Variants in INPP5A observed in about 807,000 individuals in gnomAD.
The protein encoded by INPP5A is 43 kDa inositol polyphosphate 5-phophatase.
In INPP5A, 14 loss-of-function variants were observed where a neutral mutation model predicts 65.2. The observed-to-expected ratio is 0.21, with a 90% CI of 0.14 to 0.34. The LOEUF is 0.34. INPP5A is among the 10% of genes least tolerant of loss of function. The probability of loss-of-function intolerance (pLI) is 1.00; values close to 1 mark genes in which losing one functional copy is unlikely to be tolerated. For synonymous variants in INPP5A, 207 were observed against 208.3 expected, an observed-to-expected ratio of 0.99 and a Z score of 0.05; for missense variants, 431 against 545.6, an observed-to-expected ratio of 0.79 and a Z score of 2.09.
At chr10:132,769,094 A>G (rs547823791) in intron 12 of INPP5A, among the ~76,000 whole-genome samples, 24 of 152,326 alleles carry the variant, frequency 1.6e-4, no homozygotes, top group African/African-American at 5.5e-4. Flanking sequence ...ACGCCAGGAA[A>G]TGTGTCATTG....
intron 4 of INPP5A, among the ~76,000 whole-genome samples, chr10:132,671,470 C>T (rs1480418689): frequency 6.6e-6 from 1 of 152,124 alleles, no homozygotes; most frequent in Non-Finnish European, 1.5e-5. Flanking sequence ...TGGACTCCGC[C>T]CTCCCTGCTT....
chr10:132,608,135 C>A (rs1239435194), intron 2 of INPP5A, among the ~76,000 whole-genome samples, 179 bp downstream of exon 2: 1 of 152,230 alleles, frequency 6.6e-6, no homozygotes, highest in Non-Finnish European at 1.5e-5. Context: ...CACAGTCGGT[C>A]CACTGCCCGC....
intron 4 of INPP5A, among the ~76,000 whole-genome samples, chr10:132,683,052 T>G (rs2073069125): frequency 6.6e-6 from 1 of 151,558 alleles, no homozygotes; most frequent in African/African-American, 2.4e-5. Context: ...AGGCCATCTG[T>G]GTATTATATA....
intron 2 of INPP5A, among the ~76,000 whole-genome samples, chr10:132,645,395 T>TGTACACACACATGCTCCGGCACACGC (rs2072479832): frequency 6.6e-6 from 1 of 152,186 alleles, no homozygotes; most frequent in Non-Finnish European, 1.5e-5. Context: ...CAGGCACATG[T>TGTACACACACATGCTCCGGCACACGC]GTACACACAC....
At chr10:132,543,964 G>A (rs1445926698) in intron 1 of INPP5A, among the ~76,000 whole-genome samples, 2 of 152,250 alleles carry the variant, frequency 1.3e-5, no homozygotes, top group African/African-American at 4.8e-5. Flanking sequence ...GCGGACATGC[G>A]TTCTCAGTGC....
intron 2 of INPP5A, among the ~76,000 whole-genome samples, 192 bp from the exon 3 acceptor site, chr10:132,645,676 A>C (rs2072484093): frequency 6.6e-6 from 1 of 152,226 alleles, no homozygotes; most frequent in Non-Finnish European, 1.5e-5. Flanking sequence ...AGCACTGGAA[A>C]TATAAATAAC....
At position 132,727,517 on chromosome 10, in the gene INPP5A, C is replaced by T. The variant is rs564470242; in HGVS notation, c.732+612C>T. ...GAGGTGCCACCGACAGGAAGTGGGC[C>T]TCTAGGCTCAGTGCAAGGGCCGATG... On this transcript the variant is annotated intron_variant, in intron 9 of 15. Coordinates refer to ENST00000368594, the MANE Select transcript of INPP5A (RefSeq NM_005539.5). The surrounding 1 kb of genome is among the most constrained non-coding windows in gnomAD (Gnocchi z 6.5). 2.2e-3 allele frequency among the ~76,000 whole-genome samples: 336 copies of T among 151,928 alleles called. 11 individuals carry two copies. In the South Asian group the frequency reaches 0.069, roughly 31 times the overall value.
chr10:132,616,637 A>G lies in INPP5A; in HGVS notation c.117+8681A>G, dbSNP rs945482538. ...TTGCAGTGGTGACATGGGACATGGT[A>G]GTGACATGGGACATGGTGACAGGGT... is the stretch of plus-strand genomic sequence containing the variant. On this transcript the variant is annotated intron_variant, in intron 2 of 15. Transcript: ENST00000368594. This position sits in a 1 kb window ranked among gnomAD's most constrained non-coding sequence, Gnocchi z 4.9. Among the ~76,000 whole-genome samples the G allele has an allele frequency of 2.0e-5, 3 of 151,554 alleles. No individual in the cohort carries two copies. Among genetic ancestry groups the G allele is most frequent in the African/African-American group, 7.3e-5 (3 of 41,244 alleles).
rs1024460355 is a variant in INPP5A, at chr10:132,698,096, C to T, written c.474+177C>T. Among the ~76,000 whole-genome samples the T allele has an allele frequency of 3.3e-5, 5 of 152,184 alleles. No individual in the cohort carries two copies. Among genetic ancestry groups the T allele is most frequent in the Admixed American group, 6.5e-5 (1 of 15,276 alleles). ...TCTGTGGTTGGTCTGGGCTGTCACACGTAAGGGCAGTGAGAATCTAAGGCA... is the reference window on the plus strand; with the variant it reads ...TCTGTGGTTGGTCTGGGCTGTCACATGTAAGGGCAGTGAGAATCTAAGGCA... On this transcript the variant is annotated intron_variant, in intron 6 of 15. Coordinates refer to ENST00000368594, the MANE Select transcript of INPP5A (RefSeq NM_005539.5). The surrounding 1 kb of genome is among the most constrained non-coding windows in gnomAD (Gnocchi z 5.5).
In INPP5A at chr10:132,538,934, C is replaced by G. The variant is rs1000895263; in HGVS notation, c.75+763C>G. Reference sequence around the variant, plus strand: ...GAACCCTGAATTTCAACCTCAGGCCCCAGCTTATGGCCCTGAACACTTGTC... The same window carrying G: ...GAACCCTGAATTTCAACCTCAGGCCGCAGCTTATGGCCCTGAACACTTGTC... On this transcript the variant is annotated intron_variant, in intron 1 of 15. Transcript: ENST00000368594. The surrounding 1 kb of genome is among the most constrained non-coding windows in gnomAD (Gnocchi z 4.1). Among the ~76,000 whole-genome samples the G allele has an allele frequency of 2.0e-5, 3 of 152,152 alleles. No homozygotes were observed. The highest frequency in any genetic ancestry group is 4.8e-5 in the African/African-American group (2 of 41,430).
In INPP5A at chr10:132,707,745, C is replaced by T. The variant is rs779727139; in HGVS notation, c.475-568C>T. ...CTTTTAGACCAGAGCTCAGGCTCTA[C>T]GTTCGGTGGCTCTGCTAGGTGGTGG... On this transcript the variant is annotated intron_variant, in intron 6 of 15. Transcript: ENST00000368594. This position sits in a 1 kb window ranked among gnomAD's most constrained non-coding sequence, Gnocchi z 5.5. Among the ~76,000 whole-genome samples, 19 of 152,152 alleles carry T rather than the reference C, an allele frequency of 1.2e-4. No individual in the cohort carries two copies. The highest frequency in any genetic ancestry group is 1.9e-4 in the East Asian group (1 of 5,200).
intron 8 of INPP5A, among the ~76,000 whole-genome samples, chr10:132,720,455 C>T (rs1266646489): frequency 8.1e-6 from 1 of 124,160 alleles, no homozygotes; most frequent in Non-Finnish European, 1.6e-5. Flanking sequence ...CGGCTGTCTT[C>T]AGGGTTCTGT....
At chr10:132,731,012 G>A (rs1053922545) in intron 9 of INPP5A, among the ~76,000 whole-genome samples, 3 of 152,228 alleles carry the variant, frequency 2.0e-5, no homozygotes, top group African/African-American at 7.2e-5. Flanking sequence ...TGGACTTGCT[G>A]TCCAGCCAGC....
At chr10:132,572,304 C>G (rs923308839) in intron 1 of INPP5A, among the ~76,000 whole-genome samples, 2 of 152,156 alleles carry the variant, frequency 1.3e-5, no homozygotes, top group Non-Finnish European at 2.9e-5. Context: ...GCAAGATGCC[C>G]CTGGTGGCAA....
rs534288528 is a variant in INPP5A, at chr10:132,756,239, G to A, written c.903+6394G>A. 3.9e-4 allele frequency among the ~76,000 whole-genome samples: 60 copies of A among 152,252 alleles called. No individual in the cohort carries two copies. The East Asian group carries it at 7.3e-3, about 19-fold the overall frequency. ...TGCACTTTGTGTGGTGTATGTATGCGTGTACATGTGTGCACTCACGTGTGT... is the reference window on the plus strand; with the variant it reads ...TGCACTTTGTGTGGTGTATGTATGCATGTACATGTGTGCACTCACGTGTGT... On this transcript the variant is annotated intron_variant, in intron 11 of 15. Transcript: ENST00000368594.
intron 4 of INPP5A, among the ~76,000 whole-genome samples, chr10:132,687,560 T>G (rs1845157808): frequency 1.3e-5 from 2 of 152,182 alleles, no homozygotes; most frequent in South Asian, 4.1e-4. Flanking sequence ...GAAGAGGAAG[T>G]GCACTGCGTC....
In INPP5A at chr10:132,551,065, A is replaced by G. The variant is rs1408807705; in HGVS notation, c.75+12894A>G. Among the ~76,000 whole-genome samples, 1 of 152,202 alleles carries G rather than the reference A, an allele frequency of 6.6e-6. No homozygotes were observed. ...TCAGTAGCCACACGCTGCTTGGTCC[A>G]GGTTCCTGCCTGAGCCCACTGAGCA... is the stretch of plus-strand genomic sequence containing the variant. On this transcript the variant is annotated intron_variant, in intron 1 of 15. Coordinates refer to ENST00000368594, the MANE Select transcript of INPP5A (RefSeq NM_005539.5). This position sits in a 1 kb window ranked among gnomAD's most constrained non-coding sequence, Gnocchi z 5.3.
At chr10:132,544,352 G>A (rs2070941960) in intron 1 of INPP5A, among the ~76,000 whole-genome samples, 1 of 152,208 alleles carries the variant, frequency 6.6e-6, no homozygotes, top group African/African-American at 2.4e-5. Flanking sequence ...CTGTGTGCCG[G>A]GCACAGAGGA....
intron 11 of INPP5A, among the ~76,000 whole-genome samples, chr10:132,751,910 GC>G: frequency 6.6e-6 from 1 of 150,812 alleles, no homozygotes; most frequent in African/African-American, 2.4e-5. Flanking sequence ...GGAGGCGGGT[GC>G]CCAGGAGGTG....
Sources: gnomAD v4.1 joint callset for allele counts (sites outside exome capture counted in the v4.1 genomes callset) on GRCh38, gnomAD v4.1.1 for gene constraint, Gnocchi (gnomAD v3.1) non-coding constraint, MANE v1.5 for transcripts, NCBI Gene and HGNC (gene_info 2026-07-23, HGNC 2026-07-21) for gene names.